Variants in PHTF2 observed in about 807,000 individuals in gnomAD.
The protein encoded by PHTF2 is protein PHTF2.
Under a neutral mutation model 101.2 loss-of-function variants are expected in PHTF2, and 60 were observed. The observed-to-expected ratio is 0.59, with a 90% CI of 0.48 to 0.73. PHTF2 has a LOEUF of 0.73. Ranked by LOEUF, PHTF2 falls within the 30% of genes least tolerant of loss-of-function variation. The pLI is 0.00. For missense variants in PHTF2, 747 were observed against 908.7 expected (o/e 0.82, Z 2.29); for synonymous variants, 311 against 307.3 (o/e 1.01, Z -0.13).
intron 14 of PHTF2, 67 bp from the exon 14 acceptor site, chr7:77,940,461 A>T: frequency 7.3e-7 from 1 of 1,369,526 alleles, no homozygotes; most frequent in East Asian, 2.4e-5. Context: ...AACAATTCAT[A>T]TTTTGTTAAT....
intron 1 of PHTF2, among the ~76,000 whole-genome samples, chr7:77,826,959 G>A (rs1794735376): frequency 6.6e-6 from 1 of 152,176 alleles, no homozygotes; most frequent in Non-Finnish European, 1.5e-5. Flanking sequence ...CATCTTAAAA[G>A]AATCGGGGGT....
chr7:77,891,777 G>C (rs1418962338), intron 3 of PHTF2, among the ~76,000 whole-genome samples: 1 of 151,926 alleles, frequency 6.6e-6, no homozygotes, highest in African/African-American at 2.4e-5. Context: ...TGTAGAGACA[G>C]GTCTCACTAC....
intron 2 of PHTF2, among the ~76,000 whole-genome samples, chr7:77,850,214 C>A (rs1397155894): frequency 6.9e-6 from 1 of 145,404 alleles, no homozygotes; most frequent in Non-Finnish European, 1.5e-5. Context: ...AAAAAAAAAT[C>A]CAGGTGTGGT....
At chr7:77,890,909 T>C (rs928874346) in intron 3 of PHTF2, among the ~76,000 whole-genome samples, 2 of 129,268 alleles carry the variant, frequency 1.5e-5, no homozygotes, top group Non-Finnish European at 3.4e-5. Context: ...CCGGCCTTTT[T>C]TTTTTTTTTT....
intron 3 of PHTF2, among the ~76,000 whole-genome samples, chr7:77,863,787 G>GTT (rs368245678): frequency 0.029 from 3,839 of 132,066 alleles, 185 homozygotes; most frequent in African/African-American, 0.092. Context: ...GTTTTGTTTT[G>GTT]TTTTTTTTTT....
At chr7:77,836,665 G>GC (rs1795496785) in intron 1 of PHTF2, among the ~76,000 whole-genome samples, 1 of 152,132 alleles carries the variant, frequency 6.6e-6, no homozygotes, top group Admixed American at 6.5e-5. Flanking sequence ...GATGTCCTTT[G>GC]CAGGGACATG....
intron 3 of PHTF2, 35 bp from the exon 3 acceptor site, chr7:77,893,573 C>T (rs1184103200): frequency 1.1e-6 from 1 of 890,412 alleles, no homozygotes; most frequent in East Asian, 2.5e-5. Flanking sequence ...TGGGTACCAG[C>T]AATGACCATT....
intron 3 of PHTF2, among the ~76,000 whole-genome samples, chr7:77,882,780 A>G (rs907015106): frequency 6.6e-6 from 1 of 152,140 alleles, no homozygotes; most frequent in South Asian, 2.1e-4. Flanking sequence ...AAGAGTTGCT[A>G]GCTTTGGACA....
intron 3 of PHTF2, among the ~76,000 whole-genome samples, chr7:77,884,235 AAG>A (rs1484831981): frequency 6.6e-6 from 1 of 152,246 alleles, no homozygotes; most frequent in East Asian, 1.9e-4. Flanking sequence ...AAAATTAAAA[AAG>A]AAAATTTTCA....
intron 3 of PHTF2, among the ~76,000 whole-genome samples, chr7:77,858,558 G>A (rs1797361062): frequency 6.6e-6 from 1 of 151,740 alleles, no homozygotes; most frequent in Admixed American, 6.6e-5. Flanking sequence ...AGACTTTGAT[G>A]TAACTCATTT....
chr7:77,912,184 A>G (rs1212923514), intron 9 of PHTF2, among the ~76,000 whole-genome samples: 1 of 152,216 alleles, frequency 6.6e-6, no homozygotes, highest in Non-Finnish European at 1.5e-5. Flanking sequence ...CATGACTGCC[A>G]TTGCAGTGGC....
intron 7 of PHTF2, chr7:77,907,931 T>C (rs1009833099): frequency 2.0e-5 from 3 of 152,166 alleles, no homozygotes; most frequent in African/African-American, 7.2e-5. Context: ...TGCTGTAGAC[T>C]TTGGTCTTGC....
chr7:77,865,106 G>C lies in PHTF2; in HGVS notation c.147+10272G>C, dbSNP rs551173762. Among the ~76,000 whole-genome samples, 123 of 152,202 alleles carry C rather than the reference G, an allele frequency of 8.1e-4. 1 individual carries two copies. The highest frequency in any genetic ancestry group is 2.5e-3 in the African/African-American group (102 of 41,532). On this transcript the variant is annotated intron_variant, in intron 3 of 19. Transcript: ENST00000416283. ...GAGCAATTGTTTCTGCATGGAGACA[G>C]GGAAAGCTACAGAGAGATCTTGATC...
At chr7:77,940,052 T>C (rs960752661) in exon 14 of PHTF2, 2 of 1,613,270 alleles carry the variant, frequency 1.2e-6, no homozygotes, top group Non-Finnish European at 1.7e-6. Context: ...ATACCAGGAA[T>C]AGGATACCAG....
rs756887530 is a variant in PHTF2 at position 77,954,875 on chromosome 7, A to G, written c.2355A>G (p.Ser785=). The G allele has an allele frequency of 3.3e-6, 5 of 1,513,480 alleles. No individual in the cohort carries two copies. The African/African-American group carries it at 5.6e-5, about 17-fold the overall frequency. The allele number at this position is 1,513,480 out of a possible 1,614,324, so 93.8% of individuals were successfully genotyped here. A position where few individuals can be genotyped will look rare whatever the true frequency, so the allele number is the denominator to read the frequency against. ...TTTTCTAGCTATGGAAGATTAAGTC[A>G]TGACAATTCAAAGAAAAGAAGATGT... Residue 785 remains serine, a synonymous_variant, in exon 20 of 20, where the codon TCA becomes TCG. Transcript: ENST00000416283.
chr7:77,929,202 G>A, exon 12 of PHTF2: 1 of 1,613,498 alleles, frequency 6.2e-7, no homozygotes, highest in Non-Finnish European at 8.5e-7. Context: ...AACAGAAGAT[G>A]TGTTATGGGA....
At chr7:77,908,796 C>A in exon 8 of PHTF2, 1 of 1,567,406 alleles carries the variant, frequency 6.4e-7, no homozygotes, top group Non-Finnish European at 8.7e-7. Context: ...TTTATAGTTG[C>A]TGCAATAGTA....
chr7:77,869,368 C>A (rs1482009959), intron 3 of PHTF2, among the ~76,000 whole-genome samples: 1 of 152,084 alleles, frequency 6.6e-6, no homozygotes, highest in Admixed American at 6.6e-5. Context: ...GAACTTAATT[C>A]TTTCTATGTG....
chr7:77,893,502 C>T, intron 3 of PHTF2, 106 bp from the exon 3 acceptor site: 1 of 526,390 alleles, frequency 1.9e-6, no homozygotes. Context: ...AGGGCTAAAT[C>T]TAATCTGTGC....
Sources: allele counts gnomAD v4.1 joint callset (sites outside exome capture counted in the v4.1 genomes callset), GRCh38; gene constraint gnomAD v4.1.1; transcripts MANE v1.5; gene names NCBI Gene and HGNC (gene_info 2026-07-23, HGNC 2026-07-21).